IMPG1: variants seen among roughly 807,000 people sequenced by gnomAD.
IMPG1 encodes the protein interphotoreceptor matrix proteoglycan 1, also known as interphotoreceptor matrix proteoglycan of 150 kDa.
In IMPG1, 85 loss-of-function variants were observed where a neutral mutation model predicts 92.0. The observed-to-expected ratio is 0.92, with a 90% CI of 0.78 to 1.11. IMPG1 has a LOEUF of 1.11. Ranked by LOEUF, IMPG1 falls within the 50% of genes least tolerant of loss-of-function variation. IMPG1 has a pLI of 0.00. For synonymous variants in IMPG1, 367 were observed against 334.1 expected (o/e 1.10, Z -1.08); for missense variants, 1,022 against 956.0 (o/e 1.07, Z -0.91).
chr6:75,945,053 C>T (rs1781902944), intron 14 of IMPG1, among the ~76,000 whole-genome samples: 1 of 152,170 alleles, frequency 6.6e-6, no homozygotes, highest in African/African-American at 2.4e-5. Context: ...TCATGCTTAC[C>T]ACCTTTGGCT....
At chr6:75,963,572 G>C (rs1327607137) in intron 12 of IMPG1, among the ~76,000 whole-genome samples, 2 of 152,206 alleles carry the variant, frequency 1.3e-5, no homozygotes, top group African/African-American at 4.8e-5. Flanking sequence ...TCAATAAAAA[G>C]CTGGTGAAAA....
rs549940477 is a variant in IMPG1 at position 76,022,321 on chromosome 6, T to C, written c.563-102A>G. 10 of 564,418 alleles carry C rather than the reference T, an allele frequency of 1.8e-5. No individual in the cohort carries two copies. The East Asian group carries it at 3.9e-4, about 22-fold the overall frequency. The allele number at this position is 564,418 out of a possible 1,614,324, so 35.0% of individuals were successfully genotyped here. A position where few individuals can be genotyped will look rare whatever the true frequency, so the allele number is the denominator to read the frequency against. ...ATGCTTTTTCTGTCATTCTGGAATT[T>C]ACAGATATTAGGTGCCTTCTGAACT... On this transcript the variant is annotated intron_variant, in intron 5 of 16. Coordinates refer to ENST00000369950, the MANE Select transcript of IMPG1 (RefSeq NM_001563.4).
At chr6:75,989,215 A>G (rs921716951) in intron 12 of IMPG1, among the ~76,000 whole-genome samples, 2 of 152,120 alleles carry the variant, frequency 1.3e-5, no homozygotes, top group Admixed American at 1.3e-4. Flanking sequence ...CAGCCCCCCG[A>G]GTAGTAATTA....
At chr6:76,062,062 T>G (rs943187929) in intron 1 of IMPG1, among the ~76,000 whole-genome samples, 3 of 152,178 alleles carry the variant, frequency 2.0e-5, no homozygotes, top group Non-Finnish European at 4.4e-5. Context: ...TAGCACAGTA[T>G]TGGGTATATG....
chr6:75,938,827 A>AAAACAAAACT (rs1376245666), intron 14 of IMPG1, among the ~76,000 whole-genome samples: 4 of 151,988 alleles, frequency 2.6e-5, no homozygotes, highest in African/African-American at 9.7e-5. Context: ...AAAACAAAAC[A>AAAACAAAACT]AAACAAAACA....
chr6:76,069,634 A>G (rs1562391759), intron 1 of IMPG1, among the ~76,000 whole-genome samples: 2 of 152,122 alleles, frequency 1.3e-5, no homozygotes, highest in Non-Finnish European at 2.9e-5. Flanking sequence ...TTTATATCCA[A>G]AAGAAAATAA....
At chr6:75,977,144 T>C (rs6931853) in intron 12 of IMPG1, among the ~76,000 whole-genome samples, 69,803 of 152,032 alleles carry the variant, frequency 0.46, 16,475 homozygotes, top group East Asian at 0.72. Context: ...AGCTAGGACA[T>C]CTGTGATAAT....
chr6:75,931,023 G>T lies in IMPG1; in HGVS notation c.2173C>A (p.Leu725Met). The T allele has an allele frequency of 6.2e-7, 1 of 1,614,168 alleles. No homozygotes were observed. Among genetic ancestry groups the T allele is most frequent in the Non-Finnish European group, 8.5e-7 (1 of 1,180,018 alleles). ...CCAGGGCCACAGAGGCCTGGTTCCA[G>T]ACCGTCCAGGCTCCCCTGGCTGTCA... ...GYDSQGSLDG[L>M]EPGLCGPGTK... The change falls in exon 15 of 17, where the codon CTG (leucine) becomes ATG (methionine). Residue 725 changes from leucine to methionine, a missense_variant. Leu to Met is a conservative substitution (Grantham distance 15). This residue lies in a region of IMPG1 where 332 missense variants were observed against 346.2 expected (regional missense o/e 0.96). Coordinates refer to ENST00000369950, the MANE Select transcript of IMPG1 (RefSeq NM_001563.4).
At position 76,033,286 on chromosome 6, in the gene IMPG1, A is replaced by G. The variant is rs113782616; in HGVS notation, c.497+1029T>C. 1.6e-3 allele frequency among the ~76,000 whole-genome samples: 245 copies of G among 152,244 alleles called. 2 individuals carry two copies. The highest frequency in any genetic ancestry group is 5.0e-3 in the African/African-American group (209 of 41,550). On this transcript the variant is annotated intron_variant, in intron 4 of 16. Coordinates refer to ENST00000369950, the MANE Select transcript of IMPG1 (RefSeq NM_001563.4). ...TTCTCTCTCTGATTTCTTCCTCCTC[A>G]CTGGCTGGCCATAACCAGAAGCCAG...
intron 12 of IMPG1, among the ~76,000 whole-genome samples, chr6:75,961,587 T>C (rs2149461870): frequency 6.6e-6 from 1 of 152,264 alleles, no homozygotes; most frequent in South Asian, 2.1e-4. Context: ...CAGGTGGTGA[T>C]AAGTGCTATG....
chr6:76,042,060 G>A lies in IMPG1; in HGVS notation c.134C>T (p.Thr45Ile), dbSNP rs770669943. The A allele has an allele frequency of 6.8e-6, 11 of 1,611,218 alleles. No homozygotes were observed. The South Asian group carries it at 9.9e-5, about 14-fold the overall frequency. ...TTTGTACATTTTTTCAGTACTTTCA[G>A]TTGTTTCATTTCTTGGGGGATTGTC... ...DIDNPPRNETTESTEKMYKMS... is the reference protein window; with the variant it reads ...DIDNPPRNETIESTEKMYKMS... Residue 45 changes from threonine (T) to isoleucine (I), a missense_variant, in exon 2 of 17, where the codon ACT becomes ATT. This residue lies in a region of IMPG1 where 681 missense variants were observed against 583.6 expected (regional missense o/e 1.17). Coordinates refer to ENST00000369950, the MANE Select transcript of IMPG1 (RefSeq NM_001563.4).
rs115035264 is a variant in IMPG1, at chr6:76,061,208, A to G, written c.67+11214T>C. 1.7e-3 allele frequency among the ~76,000 whole-genome samples: 262 copies of G among 152,312 alleles called. 3 individuals carry two copies. Among genetic ancestry groups the G allele is most frequent in the African/African-American group, 5.9e-3 (244 of 41,570 alleles). On this transcript the variant is annotated intron_variant, in intron 1 of 16. Coordinates refer to ENST00000369950, the MANE Select transcript of IMPG1 (RefSeq NM_001563.4). The stretch of plus-strand genomic sequence containing the variant: ...TTTTTATTACTAAAGCAAATATATA[A>G]TCTAATAAATGGTTTCAGGTGTGCT...
intron 7 of IMPG1, 65 bp from the exon 8 acceptor site, chr6:76,011,289 A>G: frequency 2.5e-6 from 2 of 789,248 alleles, no homozygotes; most frequent in Non-Finnish European, 4.4e-6. Context: ...TGCCTAACTG[A>G]AAAACCTGAA....
intron 12 of IMPG1, among the ~76,000 whole-genome samples, chr6:75,980,710 C>A (rs564617435): frequency 1.6e-4 from 25 of 152,346 alleles, no homozygotes; most frequent in Admixed American, 1.4e-3. Flanking sequence ...GAAGGCTGAA[C>A]TGTTGGCTTC....
At chr6:76,018,060 A>G (rs1474906723) in intron 7 of IMPG1, among the ~76,000 whole-genome samples, 3 of 152,150 alleles carry the variant, frequency 2.0e-5, no homozygotes, top group Non-Finnish European at 2.9e-5. Context: ...CTAATTTTTG[A>G]AGAAAGATAA....
At position 76,063,777 on chromosome 6, in the gene IMPG1, G is replaced by T. The variant is rs183145797; in HGVS notation, c.67+8645C>A. 2.7e-4 allele frequency among the ~76,000 whole-genome samples: 41 copies of T among 152,334 alleles called. No homozygotes were observed. In the East Asian group the frequency reaches 6.9e-3, roughly 26 times the overall value. ...CACATAGGGCTGGGTGACTCCAAGA[G>T]AGCTGCAGTATTCCTCTTGTTCCAG... On this transcript the variant is annotated intron_variant, in intron 1 of 16. Coordinates refer to ENST00000369950, the MANE Select transcript of IMPG1 (RefSeq NM_001563.4).
chr6:75,957,586 G>A (rs532016704), intron 12 of IMPG1, among the ~76,000 whole-genome samples: 1 of 152,132 alleles, frequency 6.6e-6, no homozygotes, highest in African/African-American at 2.4e-5. Flanking sequence ...AAATCTGGTT[G>A]CTCCTATGTT....
chr6:75,977,852 C>T (rs1420988653), intron 12 of IMPG1, among the ~76,000 whole-genome samples: 1 of 151,990 alleles, frequency 6.6e-6, no homozygotes, highest in Admixed American at 6.6e-5. Flanking sequence ...CTACAAAACA[C>T]CAAGTAATTT....
At chr6:76,017,830 G>T (rs1783317332) in intron 7 of IMPG1, among the ~76,000 whole-genome samples, 1 of 152,146 alleles carries the variant, frequency 6.6e-6, no homozygotes, top group Admixed American at 6.6e-5. Flanking sequence ...TTGGCTCACT[G>T]CCACCTCTGC....
Sources: allele counts gnomAD v4.1 joint callset (sites outside exome capture counted in the v4.1 genomes callset), GRCh38; gene constraint gnomAD v4.1.1; regional missense constraint gnomAD v4.1.1; transcripts MANE v1.5; gene names NCBI Gene and HGNC (gene_info 2026-07-23, HGNC 2026-07-21).